The following ATP1A4 variants were observed in gnomAD, a reference collection of about 807,000 sequenced individuals.
ATP1A4 encodes sodium/potassium-transporting ATPase subunit alpha-4.
Under a neutral mutation model 114.3 loss-of-function variants are expected in ATP1A4, and 90 were observed. The observed-to-expected ratio is 0.79, with a 90% CI of 0.66 to 0.94. The LOEUF (loss-of-function observed/expected upper bound fraction) is 0.94, where lower values mean the gene tolerates loss of function less well. Among genes scored for constraint, ATP1A4 ranks in the 40% least tolerant of loss-of-function variants. The probability of loss-of-function intolerance (pLI) is 0.00; values close to 1 mark genes in which losing one functional copy is unlikely to be tolerated. For synonymous variants in ATP1A4, 511 were observed against 494.1 expected (o/e 1.03, Z -0.45); for missense variants, 1,222 against 1,313.6 (o/e 0.93, Z 1.08).
At chr1:160,152,758 C>T (rs918018133) in intron 1 of ATP1A4, among the ~76,000 whole-genome samples, 4 of 152,046 alleles carry the variant, frequency 2.6e-5, no homozygotes, top group South Asian at 2.1e-4. Context: ...GGAGCTAGGC[C>T]GGGCGTGGTG....
In ATP1A4 at chr1:160,176,250, A is replaced by T. The variant is rs780812606; in HGVS notation, c.2466+4A>T. The T allele has an allele frequency of 1.9e-6, 3 of 1,614,048 alleles. No individual in the cohort carries two copies. In the South Asian group the frequency reaches 3.3e-5, roughly 18 times the overall value. ...CATTGATCTCGGCACTGACATGGTA[A>T]GGGCCAAGCTGGTGAGCAAGAGATT... On this transcript the variant is annotated splice_donor_region_variant and intron_variant, in intron 16 of 21. Coordinates refer to ENST00000368081, the MANE Select transcript of ATP1A4 (RefSeq NM_144699.4).
intron 5 of ATP1A4, 38 bp from the exon 6 acceptor site, chr1:160,159,371 T>C: frequency 6.5e-7 from 1 of 1,543,156 alleles, no homozygotes; most frequent in Non-Finnish European, 8.8e-7. Context: ...CCTTTTTTCC[T>C]ATGCTCACCT....
At chr1:160,173,440 T>G (rs754352811) in intron 12 of ATP1A4, 141 bp from the exon 13 acceptor site, 13 of 1,212,880 alleles carry the variant, frequency 1.1e-5, no homozygotes, top group East Asian at 2.4e-5. Context: ...TGGTTTTTGG[T>G]CTACACCACA....
At chr1:160,152,840 A>G (rs1571006863) in intron 1 of ATP1A4, among the ~76,000 whole-genome samples, 1 of 151,934 alleles carries the variant, frequency 6.6e-6, no homozygotes, top group South Asian at 2.1e-4. Flanking sequence ...AGTTTGAGAC[A>G]AGCCTGGCCA....
chr1:160,157,234 A>C (rs1054318603), intron 4 of ATP1A4, among the ~76,000 whole-genome samples: 2 of 152,104 alleles, frequency 1.3e-5, no homozygotes, highest in African/African-American at 4.8e-5. Flanking sequence ...GGTTTGTTAT[A>C]TAAGTAAACT....
chr1:160,166,596 G>A lies in ATP1A4; in HGVS notation c.1116G>A (p.Val372=), dbSNP rs1305591289. Reference sequence around the variant, plus strand: ...GCCTGGTGAAGAACCTGGAGGCGGTGGAGACGCTGGGCTCCACGTCCACCA... The same window carrying A: ...GCCTGGTGAAGAACCTGGAGGCGGTAGAGACGCTGGGCTCCACGTCCACCA... The part of the protein sequence containing the change: ...KNCLVKNLEA[V]ETLGSTSTIC... Residue 372 remains valine, a synonymous_variant, in exon 8 of 22, where the codon GTG becomes GTA. Transcript: ENST00000368081. The A allele has an allele frequency of 6.2e-7, 1 of 1,614,118 alleles. No homozygotes were observed. Among genetic ancestry groups the A allele is most frequent in the African/African-American group, 1.3e-5 (1 of 74,940 alleles).
At chr1:160,153,936 T>G (rs891848817) in intron 2 of ATP1A4, among the ~76,000 whole-genome samples, 1 of 151,934 alleles carries the variant, frequency 6.6e-6, no homozygotes, top group African/African-American at 2.4e-5. Flanking sequence ...CAGGCAGAGG[T>G]TGGGGAGTGG....
At chr1:160,155,359 A>G in intron 3 of ATP1A4, 111 bp downstream of exon 3, 1 of 628,044 alleles carries the variant, frequency 1.6e-6, no homozygotes, top group South Asian at 2.2e-5. Context: ...CCCTAATTAC[A>G]TTATTACATT....
At chr1:160,171,149 G>A in intron 10 of ATP1A4, 102 bp from the exon 11 acceptor site, 1 of 1,079,112 alleles carries the variant, frequency 9.3e-7, no homozygotes, top group Non-Finnish European at 1.3e-6. Context: ...AGAAATGGGG[G>A]TATGAAACAC....
chr1:160,176,882 GAGGA>G (rs1653484403), intron 17 of ATP1A4, among the ~76,000 whole-genome samples: 1 of 152,218 alleles, frequency 6.6e-6, no homozygotes, highest in Non-Finnish European at 1.5e-5. Flanking sequence ...TCACCATTAT[GAGGA>G]TAGCCAGAGA....
chr1:160,174,385 A>T, intron 14 of ATP1A4, 124 bp downstream of exon 14: 9 of 1,443,358 alleles, frequency 6.2e-6, no homozygotes, highest in Non-Finnish European at 8.4e-6. Context: ...CCCATCTGGA[A>T]CCTCCATGGT....
intron 7 of ATP1A4, among the ~76,000 whole-genome samples, chr1:160,165,149 T>C (rs575508163): frequency 6.6e-6 from 1 of 152,220 alleles, no homozygotes; most frequent in Non-Finnish European, 1.5e-5. Context: ...GTCTTGATGA[T>C]CACCTGTTGA....
rs977494202 is a variant in ATP1A4, at chr1:160,171,416, G to C, written c.1657G>C (p.Gly553Arg). 30 of 1,613,976 alleles carry C rather than the reference G, an allele frequency of 1.9e-5. No homozygotes were observed. Among genetic ancestry groups the C allele is most frequent in the Non-Finnish European group, 2.4e-5 (28 of 1,180,002 alleles). The change falls in exon 11 of 22, where the codon GGA becomes CGA. Residue 553 changes from glycine to arginine, a missense_variant. Coordinates refer to ENST00000368081, the MANE Select transcript of ATP1A4 (RefSeq NM_144699.4). The stretch of plus-strand genomic sequence containing the variant: ...CTTCCAAAATGCCTACTTAGAACTG[G>C]GAGGTCTGGGGGAACGTGTGCTAGG... The part of the protein sequence containing the change: ...EAFQNAYLEL[G>R]GLGERVLGFC...
chr1:160,156,712 G>A (rs772577195), intron 4 of ATP1A4, among the ~76,000 whole-genome samples: 4 of 152,086 alleles, frequency 2.6e-5, no homozygotes, highest in South Asian at 2.1e-4. Flanking sequence ...CAGCTGAGAC[G>A]GGAGGATTAC....
At position 160,151,980 on chromosome 1, in the gene ATP1A4, G is replaced by C; in HGVS notation, c.-61G>C. ...CCGCGCGCCCTCTTCCCTTCCCCTT[G>C]CCTCACTCTCTCAGCTTTCTTCCCA... On this transcript the variant is annotated 5_prime_UTR_variant, in exon 1 of 22. Coordinates refer to ENST00000368081, the MANE Select transcript of ATP1A4 (RefSeq NM_144699.4). 6.4e-7 allele frequency: 1 copy of C among 1,563,982 alleles called. No homozygotes were observed.
chr1:160,163,272 G>C (rs1652919867), intron 6 of ATP1A4, among the ~76,000 whole-genome samples: 1 of 152,124 alleles, frequency 6.6e-6, no homozygotes, highest in African/African-American at 2.4e-5. Context: ...AAAGGACAAT[G>C]ATTGGGTGTC....
chr1:160,179,804 T>G (rs1653614854), intron 18 of ATP1A4, among the ~76,000 whole-genome samples: 1 of 152,186 alleles, frequency 6.6e-6, no homozygotes, highest in African/African-American at 2.4e-5. Flanking sequence ...GGAAGACAGA[T>G]AATAACCAAA....
At chr1:160,178,397 C>T (rs1172144137) in intron 18 of ATP1A4, among the ~76,000 whole-genome samples, 1 of 151,868 alleles carries the variant, frequency 6.6e-6, no homozygotes. Context: ...TGAAAACCAG[C>T]TGGGCACAGT....
chr1:160,182,216 T>C (rs1653731860), intron 20 of ATP1A4, among the ~76,000 whole-genome samples, 185 bp downstream of exon 20: 1 of 152,182 alleles, frequency 6.6e-6, no homozygotes, highest in Non-Finnish European at 1.5e-5. Flanking sequence ...AGGGAGATAT[T>C]AGAGACTGTG....
Sources: gnomAD v4.1 joint callset for allele counts (sites outside exome capture counted in the v4.1 genomes callset) on GRCh38, gnomAD v4.1.1 for gene constraint, MANE v1.5 for transcripts, NCBI Gene and HGNC (gene_info 2026-07-23, HGNC 2026-07-21) for gene names.